Variants in GALNT2 observed in about 807,000 individuals in gnomAD.
GALNT2 encodes polypeptide N-acetylgalactosaminyltransferase 2, also known as UDP-GalNAc:polypeptide N-acetylgalactosaminyltransferase 2.
Under a neutral mutation model 81.4 loss-of-function variants are expected in GALNT2, and 31 were observed. The ratio of observed to expected loss-of-function variants is 0.38; its 90% confidence interval spans 0.29 to 0.51. GALNT2 has a LOEUF of 0.51. Ranked by LOEUF, GALNT2 falls within the 20% of genes least tolerant of loss-of-function variation. The pLI is 0.87. For missense variants in GALNT2, 629 were observed against 765.7 expected (o/e 0.82, Z 2.11); for synonymous variants, 303 against 287.4 (o/e 1.05, Z -0.55).
At chr1:230,205,019 C>T (rs1039941116) in intron 3 of GALNT2, among the ~76,000 whole-genome samples, 1 of 152,096 alleles carries the variant, frequency 6.6e-6, no homozygotes, top group East Asian at 1.9e-4. Context: ...GGTGGGGACA[C>T]CCAGGAAGAA....
chr1:230,175,601 G>GTCCTCCTCC lies in GALNT2; in HGVS notation c.127-2613_127-2605dup, dbSNP rs112086633. Among the ~76,000 whole-genome samples, 605 of 72,630 alleles carry GTCCTCCTCC rather than the reference G, an allele frequency of 8.3e-3. 8 individuals carry two copies. Among genetic ancestry groups the GTCCTCCTCC allele is most frequent in the African/African-American group, 0.017 (234 of 13,390 alleles). 47.6% of individuals were successfully genotyped at this position (72,630 alleles called of 152,430 possible). On this transcript the variant is annotated intron_variant, in intron 1 of 15. Transcript: ENST00000366672. ...CTCCTCCCCTCCTCGTCCCCTCCTC[G>GTCCTCCTCC]TCCTCCTCCTCCCCCTCCCTCTCCC...
chr1:230,152,106 G>A (rs992642201), intron 1 of GALNT2, among the ~76,000 whole-genome samples: 1 of 152,118 alleles, frequency 6.6e-6, no homozygotes, highest in African/African-American at 2.4e-5. Flanking sequence ...ATTTTGTGCC[G>A]ATCTCCTATC....
chr1:230,120,261 C>T (rs981963063), intron 1 of GALNT2, among the ~76,000 whole-genome samples: 1 of 152,130 alleles, frequency 6.6e-6, no homozygotes, highest in Non-Finnish European at 1.5e-5. Context: ...CAGTGTTAAC[C>T]AGCTTGCCCT....
rs987335054 is a variant in GALNT2 at position 230,271,553 on chromosome 1, C to G, written c.1441-2892C>G. Among the ~76,000 whole-genome samples the G allele has an allele frequency of 3.3e-5, 5 of 152,246 alleles. No homozygotes were observed. Among genetic ancestry groups the G allele is most frequent in the African/African-American group, 1.2e-4 (5 of 41,472 alleles). On this transcript the variant is annotated intron_variant, in intron 14 of 15. Coordinates refer to ENST00000366672, the MANE Select transcript of GALNT2 (RefSeq NM_004481.5). The surrounding 1 kb of genome is among the most constrained non-coding windows in gnomAD (Gnocchi z 4.2). The stretch of plus-strand genomic sequence containing the variant: ...TCTACTCCAGATGCCAGTCACAAGT[C>G]CAAGTTGTCACCTGCTGTCTGACTG...
intron 3 of GALNT2, among the ~76,000 whole-genome samples, chr1:230,205,361 AGT>A (rs140567524): frequency 2.0e-5 from 3 of 151,800 alleles, no homozygotes; most frequent in African/African-American, 4.8e-5. Flanking sequence ...GCCATGGAAA[AGT>A]GTGTGTGTGT....
Position 230,271,954 on chromosome 1 carries a change from C to T in GALNT2, c.1441-2491C>T, listed in dbSNP as rs1666170892. On this transcript the variant is annotated intron_variant, in intron 14 of 15. Transcript: ENST00000366672. The surrounding 1 kb of genome is among the most constrained non-coding windows in gnomAD (Gnocchi z 4.2). ...AACCTGGTCTTTCTGGTGACCAGCC[C>T]CGTCCAGGAGCCCATTAGAGTTGCT... Among the ~76,000 whole-genome samples, 1 of 152,184 alleles carries T rather than the reference C, an allele frequency of 6.6e-6. No homozygotes were observed. Among genetic ancestry groups the T allele is most frequent in the Non-Finnish European group, 1.5e-5 (1 of 68,036 alleles).
At chr1:230,223,761 G>A (rs556713757) in intron 3 of GALNT2, among the ~76,000 whole-genome samples, 20 of 152,318 alleles carry the variant, frequency 1.3e-4, no homozygotes, top group African/African-American at 4.6e-4. Flanking sequence ...GTGAGCCACT[G>A]TGCCTAGCCG....
At chr1:230,183,507 A>G (rs943709199) in intron 2 of GALNT2, among the ~76,000 whole-genome samples, 2 of 152,196 alleles carry the variant, frequency 1.3e-5, no homozygotes, top group African/African-American at 4.8e-5. Flanking sequence ...CAGGTAGTGC[A>G]CGTATCTTAT....
Position 230,275,334 on chromosome 1 carries a change from A to G in GALNT2, c.1560+770A>G, listed in dbSNP as rs1047559052. On this transcript the variant is annotated intron_variant, in intron 15 of 15. Coordinates refer to ENST00000366672, the MANE Select transcript of GALNT2 (RefSeq NM_004481.5). The surrounding 1 kb of genome is among the most constrained non-coding windows in gnomAD (Gnocchi z 5.5). ...AACGCCACATATATATACACACCAC[A>G]TATGTATACATATATATACATGCCA... is the stretch of plus-strand genomic sequence containing the variant. 2.0e-5 allele frequency among the ~76,000 whole-genome samples: 3 copies of G among 151,540 alleles called. No individual in the cohort carries two copies. The highest frequency in any genetic ancestry group is 4.9e-5 in the African/African-American group (2 of 41,206).
At chr1:230,134,414 T>C (rs1029899421) in intron 1 of GALNT2, among the ~76,000 whole-genome samples, 8 of 152,200 alleles carry the variant, frequency 5.3e-5, no homozygotes, top group African/African-American at 1.9e-4. Flanking sequence ...GCCTATTTGG[T>C]ATTTTTGAGA....
intron 1 of GALNT2, among the ~76,000 whole-genome samples, chr1:230,103,625 C>G (rs1660461146): frequency 6.6e-6 from 1 of 152,056 alleles, no homozygotes; most frequent in Non-Finnish European, 1.5e-5. Context: ...GAAAGAGATT[C>G]TTGCAGGATT....
At chr1:230,072,471 CT>C (rs1019589438) in intron 1 of GALNT2, among the ~76,000 whole-genome samples, 16 of 152,236 alleles carry the variant, frequency 1.1e-4, no homozygotes, top group African/African-American at 3.9e-4. Flanking sequence ...CTAGGTATTC[CT>C]GGGAAAAGCC....
chr1:230,218,433 A>G (rs891480083), intron 3 of GALNT2, among the ~76,000 whole-genome samples: 1 of 152,200 alleles, frequency 6.6e-6, no homozygotes, highest in African/African-American at 2.4e-5. Context: ...CCTTCGTGAT[A>G]TAAGTTAAGG....
chr1:230,219,640 G>T (rs1221540613), intron 3 of GALNT2, among the ~76,000 whole-genome samples: 1 of 152,088 alleles, frequency 6.6e-6, no homozygotes, highest in Non-Finnish European at 1.5e-5. Context: ...TAGATGGCCT[G>T]CAGTAGCCGG....
chr1:230,200,412 G>T (rs940326617), intron 2 of GALNT2, among the ~76,000 whole-genome samples: 1 of 152,084 alleles, frequency 6.6e-6, no homozygotes, highest in African/African-American at 2.4e-5. Context: ...CCTAGAACAT[G>T]AAGTCCACAG....
At chr1:230,061,013 C>T (rs1213822924) in intron 1 of GALNT2, among the ~76,000 whole-genome samples, 1 of 152,060 alleles carries the variant, frequency 6.6e-6, no homozygotes, top group East Asian at 1.9e-4. Context: ...CAACCCCAGT[C>T]CTGGAATCAA....
chr1:230,084,457 G>A (rs1659840524), intron 1 of GALNT2, among the ~76,000 whole-genome samples: 1 of 152,228 alleles, frequency 6.6e-6, no homozygotes, highest in Non-Finnish European at 1.5e-5. Context: ...AGGAGGGCAA[G>A]CTGGTGAATG....
chr1:230,139,129 T>C (rs1197746993), intron 1 of GALNT2, among the ~76,000 whole-genome samples: 3 of 152,230 alleles, frequency 2.0e-5, no homozygotes. Flanking sequence ...TGGCTTTTTC[T>C]AGCTGCTACT....
chr1:230,105,352 C>A (rs1288760597), intron 1 of GALNT2, among the ~76,000 whole-genome samples: 1 of 152,186 alleles, frequency 6.6e-6, no homozygotes, highest in Non-Finnish European at 1.5e-5. Context: ...GCTCTGGGGC[C>A]CACTGGGGGC....
Sources: allele counts gnomAD v4.1 joint callset (sites outside exome capture counted in the v4.1 genomes callset), GRCh38; gene constraint gnomAD v4.1.1; non-coding constraint Gnocchi (gnomAD v3.1); transcripts MANE v1.5; gene names NCBI Gene and HGNC (gene_info 2026-07-23, HGNC 2026-07-21).